CDH18: variants seen among roughly 807,000 people sequenced by gnomAD.
CDH18 encodes cadherin 18.
A neutral mutation model predicts 67.9 loss-of-function variants in CDH18; 31 were observed. The observed-to-expected ratio is 0.46, with a 90% CI of 0.34 to 0.62. The LOEUF is 0.62. Ranked by LOEUF, CDH18 falls within the 20% of genes least tolerant of loss-of-function variation. CDH18 has a pLI of 0.01. For missense variants in CDH18, 890 were observed against 975.5 expected, an observed-to-expected ratio of 0.91 and a Z score of 1.17; for synonymous variants, 362 against 347.2, an observed-to-expected ratio of 1.04 and a Z score of -0.48.
intron 2 of CDH18, among the ~76,000 whole-genome samples, chr5:20,086,130 T>C (rs1241262651): frequency 2.6e-5 from 4 of 152,202 alleles, no homozygotes; most frequent in Non-Finnish European, 4.4e-5. Flanking sequence ...ACCAGCCTTA[T>C]TGCTGATATG....
intron 2 of CDH18, among the ~76,000 whole-genome samples, chr5:20,027,459 G>C (rs192738667): frequency 1.3e-5 from 2 of 152,306 alleles, no homozygotes; most frequent in African/African-American, 4.8e-5. Context: ...ACAAAGTTGA[G>C]AAGTGATTCA....
intron 1 of CDH18, among the ~76,000 whole-genome samples, chr5:20,573,995 A>G (rs1302922330): frequency 2.0e-5 from 3 of 149,024 alleles, no homozygotes; most frequent in African/African-American, 7.3e-5. Context: ...CAATTTAAAA[A>G]CAAAAACATC....
chr5:20,480,931 A>G (rs1436207561), intron 1 of CDH18, among the ~76,000 whole-genome samples: 2 of 152,180 alleles, frequency 1.3e-5, no homozygotes, highest in Admixed American at 6.5e-5. Context: ...ATTTGGATGT[A>G]AAGGAAAGAA....
At chr5:19,702,675 C>G (rs910387991) in intron 5 of CDH18, among the ~76,000 whole-genome samples, 4 of 151,928 alleles carry the variant, frequency 2.6e-5, no homozygotes, top group Non-Finnish European at 5.9e-5. Flanking sequence ...GGCTGACTCA[C>G]GAGAATCACT....
intron 3 of CDH18, among the ~76,000 whole-genome samples, chr5:19,812,191 AAAAT>A (rs1294692466): frequency 4.6e-5 from 7 of 152,282 alleles, no homozygotes; most frequent in African/African-American, 1.4e-4. Context: ...ATATCTGTTA[AAAAT>A]AAATAGAGTA....
intron 2 of CDH18, among the ~76,000 whole-genome samples, chr5:20,117,988 G>C (rs187873846): frequency 1.6e-4 from 24 of 152,120 alleles, no homozygotes; most frequent in African/African-American, 5.6e-4. Flanking sequence ...GGAGGTGTGT[G>C]GGGGGAGAGT....
intron 2 of CDH18, among the ~76,000 whole-genome samples, chr5:19,996,042 T>C (rs1011372381): frequency 2.6e-5 from 4 of 152,106 alleles, no homozygotes; most frequent in African/African-American, 9.7e-5. Context: ...TTAATGACTT[T>C]TGTTCACAAA....
chr5:20,057,393 T>C (rs780420343), intron 2 of CDH18, among the ~76,000 whole-genome samples: 1 of 152,194 alleles, frequency 6.6e-6, no homozygotes, highest in Non-Finnish European at 1.5e-5. Context: ...TGTTATACAA[T>C]TTAGACAGAT....
chr5:20,282,005 C>T (rs1228580657), intron 1 of CDH18, among the ~76,000 whole-genome samples: 1 of 152,078 alleles, frequency 6.6e-6, no homozygotes, highest in Admixed American at 6.6e-5. Flanking sequence ...CATGATTTGG[C>T]TCTCTGTTTG....
At chr5:19,683,027 A>G (rs1489152594) in intron 5 of CDH18, among the ~76,000 whole-genome samples, 1 of 152,052 alleles carries the variant, frequency 6.6e-6, no homozygotes, top group Non-Finnish European at 1.5e-5. Flanking sequence ...TTTGAACAAT[A>G]TGCACATATT....
At chr5:20,339,453 A>C (rs2150040915) in intron 1 of CDH18, among the ~76,000 whole-genome samples, 1 of 152,164 alleles carries the variant, frequency 6.6e-6, no homozygotes, top group East Asian at 1.9e-4. Flanking sequence ...ACTCAGCCCT[A>C]CTAGCAGTTG....
intron 5 of CDH18, among the ~76,000 whole-genome samples, chr5:19,635,356 T>C (rs2150198132): frequency 6.6e-6 from 1 of 152,304 alleles, no homozygotes; most frequent in South Asian, 2.1e-4. Flanking sequence ...ATGGAGTGCT[T>C]CAATTACATT....
intron 1 of CDH18, among the ~76,000 whole-genome samples, chr5:20,377,895 C>A (rs536640204): frequency 7.8e-4 from 118 of 151,928 alleles, no homozygotes; most frequent in Non-Finnish European, 1.3e-3. Flanking sequence ...AAGTTACCAC[C>A]CTCCAATATT....
intron 1 of CDH18, among the ~76,000 whole-genome samples, chr5:20,516,305 T>A (rs1001914209): frequency 2.0e-5 from 3 of 151,834 alleles, no homozygotes; most frequent in African/African-American, 7.2e-5. Context: ...GAACAAGAGG[T>A]TTAGAGAAAC....
intron 1 of CDH18, among the ~76,000 whole-genome samples, chr5:20,333,498 T>G (rs1739381369): frequency 9.2e-6 from 1 of 108,946 alleles, no homozygotes. Context: ...AGAGCAAGAC[T>G]CCATCTCAAA....
rs182274951 is a variant in CDH18 at position 19,981,820 on chromosome 5, T to C, written c.-375-642A>G. ...TATGGTTCCTGAGACAGCAACATGG[T>C]TCATATCCACACTTCCTCCCAGGCT... On this transcript the variant is annotated intron_variant, in intron 1 of 12. Transcript: ENST00000382275. Among the ~76,000 whole-genome samples, 3 of 152,310 alleles carry C rather than the reference T, an allele frequency of 2.0e-5. No homozygotes were observed. In the East Asian group the frequency reaches 5.8e-4, roughly 29 times the overall value.
chr5:20,141,713 G>T (rs368404240), intron 2 of CDH18, among the ~76,000 whole-genome samples: 6 of 152,222 alleles, frequency 3.9e-5, no homozygotes, highest in East Asian at 1.9e-4. Flanking sequence ...ATTACATGGG[G>T]ACATGACTTG....
rs77504753 is a variant in CDH18 at position 20,412,338 on chromosome 5, C to T, written c.-579-156833G>A. ...CATAAGCAGTGAAATAAACTGGGCACGTATCTCCTAACATAAACCAAAATT... is the reference window on the plus strand; with the variant it reads ...CATAAGCAGTGAAATAAACTGGGCATGTATCTCCTAACATAAACCAAAATT... On this transcript the variant is annotated intron_variant, in intron 1 of 14. Coordinates refer to the CDH18 transcript ENST00000507958. 0.018 allele frequency among the ~76,000 whole-genome samples: 2,708 copies of T among 152,206 alleles called. 198 individuals are homozygous for T. In the East Asian group the frequency reaches 0.26, roughly 14 times the overall value.
intron 1 of CDH18, among the ~76,000 whole-genome samples, chr5:20,282,878 C>A (rs1170831366): frequency 6.6e-6 from 1 of 151,932 alleles, no homozygotes; most frequent in Non-Finnish European, 1.5e-5. Flanking sequence ...TACCACAAAG[C>A]CATAGTAACA....
Sources: gnomAD v4.1 joint callset for allele counts (sites outside exome capture counted in the v4.1 genomes callset) on GRCh38, gnomAD v4.1.1 for gene constraint, MANE v1.5 for transcripts, NCBI Gene and HGNC (gene_info 2026-07-23, HGNC 2026-07-21) for gene names.